RGS6: variants seen among roughly 807,000 people sequenced by gnomAD.
RGS6 encodes the protein regulator of G protein signaling 6.
Under a neutral mutation model 78.5 loss-of-function variants are expected in RGS6, and 30 were observed. That is an observed-to-expected ratio of 0.38 (90% CI 0.29 to 0.52). The LOEUF (loss-of-function observed/expected upper bound fraction) is 0.52. Among genes scored for constraint, RGS6 ranks in the 20% least tolerant of loss-of-function variants. The pLI is 0.85. For synonymous variants in RGS6, 206 were observed against 206.0 expected, an observed-to-expected ratio of 1.00 and a Z score of 0.00; for missense variants, 495 against 609.7, an observed-to-expected ratio of 0.81 and a Z score of 1.98.
chr14:72,314,723 T>G (rs2069614825), intron 2 of RGS6, among the ~76,000 whole-genome samples: 1 of 152,208 alleles, frequency 6.6e-6, no homozygotes, highest in Non-Finnish European at 1.5e-5. Flanking sequence ...CTTGTCCACT[T>G]CCTGCTGAGA....
intron 2 of RGS6, among the ~76,000 whole-genome samples, chr14:72,148,917 G>C (rs1015474383): frequency 1.3e-5 from 2 of 152,180 alleles, no homozygotes; most frequent in African/African-American, 4.8e-5. Context: ...ATCTAACATT[G>C]CATGATAAAG....
intron 2 of RGS6, among the ~76,000 whole-genome samples, chr14:72,166,493 G>T (rs542971661): frequency 6.6e-6 from 1 of 152,284 alleles, no homozygotes; most frequent in Non-Finnish European, 1.5e-5. Flanking sequence ...ATACTCAGGA[G>T]CTTCTGAATT....
At chr14:72,505,572 G>T (rs747983195) in intron 13 of RGS6, among the ~76,000 whole-genome samples, 4 of 152,204 alleles carry the variant, frequency 2.6e-5, no homozygotes, top group Non-Finnish European at 4.4e-5. Context: ...AAGATAGCTT[G>T]TATATTCCCC....
chr14:72,060,649 A>G (rs977853046), intron 2 of RGS6, among the ~76,000 whole-genome samples: 1 of 152,184 alleles, frequency 6.6e-6, no homozygotes, highest in Non-Finnish European at 1.5e-5. Flanking sequence ...AACCTGGATT[A>G]TAGCCAAGAA....
intron 2 of RGS6, among the ~76,000 whole-genome samples, chr14:72,323,582 A>T (rs530709237): frequency 4.0e-5 from 6 of 151,758 alleles, no homozygotes; most frequent in African/African-American, 1.5e-4. Context: ...TAGTCCGGGT[A>T]CCTGAGGTCA....
At chr14:71,960,918 C>A (rs1342079242) in intron 1 of RGS6, among the ~76,000 whole-genome samples, 1 of 152,236 alleles carries the variant, frequency 6.6e-6, no homozygotes, top group African/African-American at 2.4e-5. Context: ...AGTGTCCTTT[C>A]TGTGAACACA....
intron 2 of RGS6, among the ~76,000 whole-genome samples, chr14:72,174,688 T>C (rs1272568286): frequency 6.6e-6 from 1 of 152,110 alleles, no homozygotes; most frequent in Non-Finnish European, 1.5e-5. Flanking sequence ...TCCTGCAAGC[T>C]AGGAGCCTCC....
chr14:72,486,997 A>C (rs1391803088), intron 12 of RGS6, among the ~76,000 whole-genome samples: 1 of 151,792 alleles, frequency 6.6e-6, no homozygotes, highest in African/African-American at 2.4e-5. Flanking sequence ...CCTCTCTGCT[A>C]CTCTCTCTGG....
chr14:72,258,352 A>C (rs1293087614), intron 2 of RGS6, among the ~76,000 whole-genome samples: 3 of 152,192 alleles, frequency 2.0e-5, no homozygotes, highest in Admixed American at 2.0e-4. Context: ...CTAGCCCATT[A>C]ATTTGTTGCC....
intron 1 of RGS6, among the ~76,000 whole-genome samples, chr14:71,961,833 G>A (rs1227212980): frequency 6.6e-6 from 1 of 152,142 alleles, no homozygotes; most frequent in Admixed American, 6.5e-5. Flanking sequence ...TAAGTACAAT[G>A]AAGAACATTC....
chr14:72,305,561 G>C (rs1473012557), intron 2 of RGS6, among the ~76,000 whole-genome samples: 1 of 152,270 alleles, frequency 6.6e-6, no homozygotes, highest in African/African-American at 2.4e-5. Context: ...TCTGTGATCA[G>C]TGTTGTTTAT....
intron 2 of RGS6, among the ~76,000 whole-genome samples, chr14:72,291,041 G>A (rs2063486532): frequency 6.6e-6 from 1 of 151,772 alleles, no homozygotes; most frequent in African/African-American, 2.4e-5. Context: ...TCTTTTCCCT[G>A]CCTGTGCTCC....
intron 17 of RGS6, among the ~76,000 whole-genome samples, chr14:72,559,162 A>C (rs1047489726): frequency 4.3e-4 from 65 of 152,350 alleles, no homozygotes; most frequent in African/African-American, 1.5e-3. Context: ...GAGACGGGGC[A>C]GTGCCCTGGA....
At chr14:72,210,158 C>G (rs753076704) in intron 2 of RGS6, among the ~76,000 whole-genome samples, 1 of 151,822 alleles carries the variant, frequency 6.6e-6, no homozygotes, top group Non-Finnish European at 1.5e-5. Flanking sequence ...ATAAAGTGTT[C>G]AAAAACTTGG....
At chr14:72,341,369 G>A (rs766608596) in intron 2 of RGS6, among the ~76,000 whole-genome samples, 30 of 152,174 alleles carry the variant, frequency 2.0e-4, no homozygotes, top group Non-Finnish European at 8.8e-5. Flanking sequence ...CACCTCCCAC[G>A]AGGCCTCTGC....
At chr14:72,442,521 C>G (rs2095242396) in intron 3 of RGS6, among the ~76,000 whole-genome samples, 1 of 152,126 alleles carries the variant, frequency 6.6e-6, no homozygotes, top group Non-Finnish European at 1.5e-5. Flanking sequence ...TCTGGTGCAC[C>G]AGTTTAAGGA....
chr14:72,210,682 G>A (rs847284), intron 2 of RGS6, among the ~76,000 whole-genome samples: 143,236 of 152,214 alleles, frequency 0.94, 67,685 homozygotes, highest in South Asian at 1. Context: ...AAATCCTTTT[G>A]GAATTGATCT....
At chr14:72,480,727 G>A (rs1030528898) in intron 12 of RGS6, among the ~76,000 whole-genome samples, 2 of 152,160 alleles carry the variant, frequency 1.3e-5, no homozygotes, top group African/African-American at 4.8e-5. Flanking sequence ...GAAGCTGCCA[G>A]AGATGCAGGC....
intron 2 of RGS6, among the ~76,000 whole-genome samples, chr14:72,005,320 A>G (rs1280551036): frequency 6.6e-6 from 1 of 152,186 alleles, no homozygotes; most frequent in Admixed American, 6.5e-5. Flanking sequence ...ATATCTCTTT[A>G]TAATATTTAT....
Sources: allele counts gnomAD v4.1 joint callset (sites outside exome capture counted in the v4.1 genomes callset), GRCh38; gene constraint gnomAD v4.1.1; transcripts MANE v1.5; gene names NCBI Gene and HGNC (gene_info 2026-07-23, HGNC 2026-07-21).